The following TBC1D2 variants were observed in gnomAD, a reference collection of about 807,000 sequenced individuals.
The protein encoded by TBC1D2 is TBC1 domain family member 2A.
In TBC1D2, 58 loss-of-function variants were observed where a neutral mutation model predicts 91.1. The ratio of observed to expected loss-of-function variants is 0.64; its 90% CI spans 0.52 to 0.79. The LOEUF (loss-of-function observed/expected upper bound fraction) is 0.79. TBC1D2 is among the 30% of genes least tolerant of loss of function. The pLI, the probability that TBC1D2 is intolerant of heterozygous loss-of-function variation, is 0.00. For synonymous variants in TBC1D2, 482 were observed against 511.5 expected, an observed-to-expected ratio of 0.94 and a Z score of 0.78; for missense variants, 1,080 against 1,208.3, an observed-to-expected ratio of 0.89 and a Z score of 1.57.
chr9:98,202,845 G>A (rs1828544194), intron 10 of TBC1D2, among the ~76,000 whole-genome samples: 1 of 152,268 alleles, frequency 6.6e-6, no homozygotes, highest in African/African-American at 2.4e-5. Flanking sequence ...AACTTGCCTT[G>A]CAACTAGGGC....
At position 98,228,648 on chromosome 9, in the gene TBC1D2, A is replaced by T. The variant is rs1298072049; in HGVS notation, c.978+304T>A. ...CTGCATCCAGATCACCTGCCTCTAA[A>T]TAATGTCATTTTCTGGGTAGGGGGT... is the stretch of plus-strand genomic sequence containing the variant. On this transcript the variant is annotated intron_variant, in intron 5 of 12. Transcript: ENST00000465784. The surrounding 1 kb of genome is among the most constrained non-coding windows in gnomAD (Gnocchi z 4.0). 6.6e-6 allele frequency among the ~76,000 whole-genome samples: 1 copy of T among 152,106 alleles called. No individual in the cohort carries two copies. Among genetic ancestry groups the T allele is most frequent in the Non-Finnish European group, 1.5e-5 (1 of 68,008 alleles).
rs968390922 is a variant in TBC1D2 at position 98,199,093 on chromosome 9, C to A, written c.*288G>T. On this transcript the variant is annotated 3_prime_UTR_variant, in exon 13 of 13. Coordinates refer to ENST00000465784, the MANE Select transcript of TBC1D2 (RefSeq NM_001267571.2). ...AACCTAGAGAATGTTCCAGGTTACCCTATAGAGGCAGTGCTCTTGCTTGTT... is the reference window on the plus strand; with the variant it reads ...AACCTAGAGAATGTTCCAGGTTACCATATAGAGGCAGTGCTCTTGCTTGTT... 1.8e-6 allele frequency: 1 copy of A among 570,862 alleles called. No homozygotes were observed. The highest frequency in any genetic ancestry group is 1.9e-5 in the African/African-American group (1 of 53,538). 35.4% of individuals were successfully genotyped at this position (570,862 alleles called of 1,614,324 possible).
intron 3 of TBC1D2, among the ~76,000 whole-genome samples, 195 bp from the exon 4 acceptor site, chr9:98,233,744 G>A (rs1829432469): frequency 6.6e-6 from 1 of 152,146 alleles, no homozygotes; most frequent in South Asian, 2.1e-4. Context: ...TATCTCTTTC[G>A]CATTCTCATC....
chr9:98,252,923 T>C (rs921883304), intron 1 of TBC1D2, among the ~76,000 whole-genome samples: 2 of 152,084 alleles, frequency 1.3e-5, no homozygotes, highest in Non-Finnish European at 2.9e-5. Flanking sequence ...GGGGAGTCTG[T>C]GAAAGTGACC....
At chr9:98,226,392 C>T (rs1246589521) in intron 5 of TBC1D2, among the ~76,000 whole-genome samples, 2 of 152,146 alleles carry the variant, frequency 1.3e-5, no homozygotes, top group African/African-American at 4.8e-5. Context: ...CTGCAGTAAT[C>T]GCCAGAACAA....
chr9:98,250,312 A>G (rs7042576), intron 2 of TBC1D2, among the ~76,000 whole-genome samples: 63,253 of 151,852 alleles, frequency 0.42, 16,010 homozygotes, highest in African/African-American at 0.72. Context: ...GGTGGGTGGC[A>G]TTGGATGGCA....
At chr9:98,231,330 A>G (rs1287250432) in intron 4 of TBC1D2, among the ~76,000 whole-genome samples, 1 of 144,104 alleles carries the variant, frequency 6.9e-6, no homozygotes, top group African/African-American at 2.8e-5. Flanking sequence ...TAGAGTCTCA[A>G]AAAGAATTTA....
chr9:98,221,288 G>A, intron 5 of TBC1D2, 60 bp from the exon 6 acceptor site: 1 of 1,468,544 alleles, frequency 6.8e-7, no homozygotes, highest in Non-Finnish European at 9.0e-7. Flanking sequence ...GCGCCACAGT[G>A]GGGTATATGT....
At position 98,208,949 on chromosome 9, in the gene TBC1D2, C is replaced by T. The variant is rs776767976; in HGVS notation, c.1869G>A (p.Arg623=). The change falls in exon 9 of 13, where the codon CGG becomes CGA. Residue 623 remains arginine, a synonymous_variant. Coordinates refer to ENST00000465784, the MANE Select transcript of TBC1D2 (RefSeq NM_001267571.2). The part of the protein sequence containing the change: ...VPSAELKQLL[R]AGVPREHRPR... ...GCCGGTGTTCACGGGGTACTCCTGC[C>T]CGCAGTAGCTGCTTGAGCTCGGCTG... 14 of 1,614,024 alleles carry T rather than the reference C, an allele frequency of 8.7e-6. No individual in the cohort carries two copies. Among genetic ancestry groups the T allele is most frequent in the Admixed American group, 6.7e-5 (4 of 60,008 alleles).
chr9:98,209,207 G>A (rs1270665096), intron 8 of TBC1D2, 63 bp from the exon 9 acceptor site: 1 of 1,512,664 alleles, frequency 6.6e-7, no homozygotes, highest in Non-Finnish European at 9.1e-7. Context: ...AGGGGTGGTG[G>A]TGACAGGGAG....
intron 3 of TBC1D2, among the ~76,000 whole-genome samples, chr9:98,241,986 C>A (rs754327563): frequency 1.9e-4 from 29 of 152,212 alleles, no homozygotes; most frequent in Non-Finnish European, 4.1e-4. Context: ...CTGGAAAGGA[C>A]GTCACCACCC....
intron 5 of TBC1D2, among the ~76,000 whole-genome samples, chr9:98,226,560 A>G (rs1829237903): frequency 6.6e-6 from 1 of 152,202 alleles, no homozygotes; most frequent in Non-Finnish European, 1.5e-5. Flanking sequence ...CCAGAATTTG[A>G]GCCTGTGCTG....
intron 9 of TBC1D2, among the ~76,000 whole-genome samples, chr9:98,203,784 A>G (rs1828576210): frequency 6.6e-6 from 1 of 152,144 alleles, no homozygotes; most frequent in Non-Finnish European, 1.5e-5. Context: ...AGTGCCCCAC[A>G]CAGTGCCTGC....
At position 98,201,474 on chromosome 9, in the gene TBC1D2, C is replaced by G. The variant is rs768315511; in HGVS notation, c.2457+5G>C. On this transcript the variant is annotated splice_donor_5th_base_variant and intron_variant, in intron 11 of 12. Coordinates refer to ENST00000465784, the MANE Select transcript of TBC1D2 (RefSeq NM_001267571.2). ...CCCCCTGCCCATCCCCTGGCTGCAC[C>G]CTACCTTCGTCCCCTCGTACAGGAA... 5.0e-6 allele frequency: 8 copies of G among 1,612,214 alleles called. No homozygotes were observed. The South Asian group carries it at 5.5e-5, about 11-fold the overall frequency.
At position 98,242,042 on chromosome 9, in the gene TBC1D2, A is replaced by T. The variant is rs558211213; in HGVS notation, c.647+1952T>A. On this transcript the variant is annotated intron_variant, in intron 3 of 12. Coordinates refer to ENST00000465784, the MANE Select transcript of TBC1D2 (RefSeq NM_001267571.2). Reference sequence around the variant, plus strand: ...TCAGACTCTGAAGCCAGCAGAGGGAAATACTCTGCCTGAGTCACACAGAAC... The same window carrying T: ...TCAGACTCTGAAGCCAGCAGAGGGATATACTCTGCCTGAGTCACACAGAAC... 2.6e-5 allele frequency among the ~76,000 whole-genome samples: 4 copies of T among 152,346 alleles called. No individual in the cohort carries two copies. The South Asian group carries it at 6.2e-4, about 24-fold the overall frequency.
At chr9:98,211,520 G>C (rs1009505752) in intron 7 of TBC1D2, among the ~76,000 whole-genome samples, 1 of 152,212 alleles carries the variant, frequency 6.6e-6, no homozygotes, top group African/African-American at 2.4e-5. Flanking sequence ...GGCAAGTCAG[G>C]CAAGTTCCTT....
At chr9:98,212,806 A>G (rs1828880136) in intron 7 of TBC1D2, among the ~76,000 whole-genome samples, 1 of 152,072 alleles carries the variant, frequency 6.6e-6, no homozygotes, top group African/African-American at 2.4e-5. Context: ...GCCTGGCCCC[A>G]AGTACATCTT....
intron 2 of TBC1D2, among the ~76,000 whole-genome samples, chr9:98,247,535 C>T (rs904741647): frequency 1.3e-5 from 2 of 151,952 alleles, no homozygotes; most frequent in African/African-American, 2.4e-5. Flanking sequence ...GAGACCATCC[C>T]AGGTAACACA....
At position 98,208,717 on chromosome 9, in the gene TBC1D2, C is replaced by A; in HGVS notation, c.2101G>T (p.Ala701Ser). Residue 701 changes from alanine to serine, a missense_variant, in exon 9 of 13, where the codon GCC becomes TCC. Ala to Ser is a moderately conservative substitution (Grantham distance 99, BLOSUM62 1). Transcript: ENST00000465784. ...FPDKLRRVLL[A>S]FSWQNPTIGY... ...ATGGTGGGGTTCTGCCAGGAGAAGG[C>A]CAGCAGCACCCGGCGGAGCTTGTCG... 10 of 1,547,836 alleles carry A rather than the reference C, an allele frequency of 6.5e-6. No homozygotes were observed. The highest frequency in any genetic ancestry group is 8.7e-6 in the Non-Finnish European group (10 of 1,143,458).
Sources: gnomAD v4.1 joint callset for allele counts (sites outside exome capture counted in the v4.1 genomes callset) on GRCh38, gnomAD v4.1.1 for gene constraint, Gnocchi (gnomAD v3.1) non-coding constraint, MANE v1.5 for transcripts, NCBI Gene and HGNC (gene_info 2026-07-23, HGNC 2026-07-21) for gene names.